Variants in TPRG1 observed in about 807,000 individuals in gnomAD.
TPRG1 encodes tumor protein p63 regulated 1.
TPRG1 carries 29 observed loss-of-function variants against 29.3 expected under a neutral mutation model. The ratio of observed to expected loss-of-function variants is 0.99; its 90% CI spans 0.74 to 1.35. TPRG1 has a LOEUF of 1.35. Among genes scored for constraint, TPRG1 ranks in the 40% most tolerant of loss-of-function variants. TPRG1 has a pLI of 0.00. For missense variants in TPRG1, 327 were observed against 335.0 expected, an observed-to-expected ratio of 0.98 and a Z score of 0.19; for synonymous variants, 130 against 116.8, an observed-to-expected ratio of 1.11 and a Z score of -0.73.
intron 4 of TPRG1, among the ~76,000 whole-genome samples, chr3:189,296,244 A>AT (rs1482547740): frequency 6.6e-6 from 1 of 152,212 alleles, no homozygotes; most frequent in East Asian, 1.9e-4. Flanking sequence ...TGTGAGCTGT[A>AT]TTTTCCATGC....
intron 2 of TPRG1, among the ~76,000 whole-genome samples, chr3:189,209,879 T>C (rs978138473): frequency 1.3e-5 from 2 of 152,048 alleles, no homozygotes; most frequent in East Asian, 1.9e-4. Flanking sequence ...AATAGGGAGA[T>C]TTTCCCAAGA....
In TPRG1 at chr3:189,137,243, A is replaced by G. The variant is rs144370820; in HGVS notation, c.-291+4546A>G. On this transcript the variant is annotated intron_variant, in intron 3 of 6. Transcript: ENST00000412373. The stretch of plus-strand genomic sequence containing the variant: ...ATCAAAGTGGCAAATAAAGAAGCCC[A>G]AAGTATCAACATTAAGAAAGCAACA... 4.1e-4 allele frequency among the ~76,000 whole-genome samples: 63 copies of G among 152,172 alleles called. 3 individuals carry two copies. The East Asian group carries it at 0.012, about 29-fold the overall frequency.
At chr3:189,304,723 C>G (rs538901743) in intron 4 of TPRG1, among the ~76,000 whole-genome samples, 3 of 152,318 alleles carry the variant, frequency 2.0e-5, no homozygotes, top group African/African-American at 7.2e-5. Flanking sequence ...GGTGCCAACT[C>G]TGTCCCTGCT....
At chr3:189,133,621 C>T (rs1723367892) in intron 3 of TPRG1, among the ~76,000 whole-genome samples, 4 of 152,146 alleles carry the variant, frequency 2.6e-5, no homozygotes, top group Admixed American at 2.0e-4. Flanking sequence ...TTGTGAGTTC[C>T]CTGAGGCCTC....
chr3:189,006,560 T>C (rs1057361389), intron 3 of TPRG1, among the ~76,000 whole-genome samples: 1 of 152,038 alleles, frequency 6.6e-6, no homozygotes. Flanking sequence ...ACAACTATAA[T>C]GGAGTTCTAA....
At chr3:189,318,437 T>C (rs957956068) in intron 5 of TPRG1, among the ~76,000 whole-genome samples, 2 of 152,178 alleles carry the variant, frequency 1.3e-5, no homozygotes, top group African/African-American at 4.8e-5. Flanking sequence ...GGATTTAAGC[T>C]TGGTTTTGAG....
chr3:189,205,159 G>A (rs1386304121), intron 1 of TPRG1, among the ~76,000 whole-genome samples: 2 of 152,210 alleles, frequency 1.3e-5, no homozygotes, highest in Non-Finnish European at 2.9e-5. Flanking sequence ...GACTATTCAA[G>A]TGTGACCCTG....
intron 4 of TPRG1, among the ~76,000 whole-genome samples, chr3:189,264,519 C>A (rs763019268): frequency 2.0e-5 from 3 of 149,304 alleles, no homozygotes; most frequent in Non-Finnish European, 2.9e-5. Context: ...TCCACCTATA[C>A]AGTTCATATT....
In TPRG1 at chr3:189,211,136, A is replaced by G. The variant is rs183244462; in HGVS notation, c.210+3542A>G. Among the ~76,000 whole-genome samples the G allele has an allele frequency of 2.6e-5, 4 of 152,250 alleles. No individual in the cohort carries two copies. The East Asian group carries it at 7.7e-4, about 29-fold the overall frequency. ...TACACAATTCTTGTGTAAAAATGGGATTATATGCCAACTATTATTTCCCAT... is the reference window on the plus strand; with the variant it reads ...TACACAATTCTTGTGTAAAAATGGGGTTATATGCCAACTATTATTTCCCAT... On this transcript the variant is annotated intron_variant, in intron 2 of 5. Coordinates refer to ENST00000345063, the MANE Select transcript of TPRG1 (RefSeq NM_198485.4).
At chr3:189,075,669 T>C (rs746014434) in intron 4 of TPRG1, among the ~76,000 whole-genome samples, 1 of 152,240 alleles carries the variant, frequency 6.6e-6, no homozygotes, top group Non-Finnish European at 1.5e-5. Context: ...GTGGTGATTT[T>C]AGAGAAAATT....
chr3:189,069,937 A>G (rs2152151964), intron 4 of TPRG1, among the ~76,000 whole-genome samples: 1 of 152,158 alleles, frequency 6.6e-6, no homozygotes, highest in Middle Eastern at 3.4e-3. Flanking sequence ...AATTAGCTGG[A>G]TGTGGTGGTG....
chr3:189,149,894 A>G (rs193070365), intron 4 of TPRG1, among the ~76,000 whole-genome samples: 5 of 152,288 alleles, frequency 3.3e-5, no homozygotes, highest in Admixed American at 3.3e-4. Flanking sequence ...GACTTTTCCC[A>G]GTACATGATT....
At chr3:189,236,899 A>C (rs1274392356) in intron 3 of TPRG1, among the ~76,000 whole-genome samples, 1 of 152,170 alleles carries the variant, frequency 6.6e-6, no homozygotes, top group Admixed American at 6.6e-5. Flanking sequence ...GAAGTGGTAC[A>C]TAATTGGGTT....
chr3:189,136,998 A>T (rs1302905205), intron 3 of TPRG1, among the ~76,000 whole-genome samples: 2 of 152,112 alleles, frequency 1.3e-5, no homozygotes, highest in Non-Finnish European at 2.9e-5. Flanking sequence ...GTCCTTATGG[A>T]ATTTGAAAGT....
intron 3 of TPRG1, among the ~76,000 whole-genome samples, chr3:189,138,922 G>A (rs1402270026): frequency 6.6e-6 from 1 of 152,074 alleles, no homozygotes; most frequent in Non-Finnish European, 1.5e-5. Context: ...ACACTCCTTG[G>A]GGAAAAGAAG....
intron 4 of TPRG1, among the ~76,000 whole-genome samples, chr3:189,296,918 A>G (rs374213837): frequency 6.6e-6 from 1 of 152,208 alleles, no homozygotes; most frequent in East Asian, 1.9e-4. Context: ...TGATAGAAAC[A>G]GTGTCTGAAT....
intron 3 of TPRG1, among the ~76,000 whole-genome samples, chr3:189,221,971 A>AT (rs57226155): frequency 0.55 from 82,233 of 149,734 alleles, 22,350 homozygotes; most frequent in South Asian, 0.63. Context: ...GCCTTTTGTG[A>AT]TTTTTTTTTT....
intron 4 of TPRG1, among the ~76,000 whole-genome samples, chr3:189,078,099 T>TCTTTCTC (rs1560430781): frequency 2.2e-4 from 10 of 45,580 alleles, no homozygotes; most frequent in African/African-American, 4.3e-4. Context: ...CTCTCTTTCT[T>TCTTTCTC]TCTTTCTTTC....
chr3:189,023,535 C>G lies in TPRG1; in HGVS notation c.-659-215C>G, dbSNP rs553528166. ...TCTCAGCCTCAGCCCAGTTCTGAAC[C>G]CTTGCTGGAGAGGTGTTGCAGTCAT... On this transcript the variant is annotated intron_variant, in intron 3 of 10. Transcript: ENST00000433971. Among the ~76,000 whole-genome samples, 350 of 152,256 alleles carry G rather than the reference C, an allele frequency of 2.3e-3. 2 individuals carry two copies. Among genetic ancestry groups the G allele is most frequent in the South Asian group, 8.3e-3 (40 of 4,824 alleles).
Sources: allele counts gnomAD v4.1 joint callset (sites outside exome capture counted in the v4.1 genomes callset), GRCh38; gene constraint gnomAD v4.1.1; transcripts MANE v1.5; gene names NCBI Gene and HGNC (gene_info 2026-07-23, HGNC 2026-07-21).